PCDHGB3: variants seen among roughly 807,000 people sequenced by gnomAD.
PCDHGB3 encodes protocadherin gamma subfamily B, 3.
A neutral mutation model predicts 59.2 loss-of-function variants in PCDHGB3; 40 were observed. That is an observed-to-expected ratio of 0.68 (90% CI 0.52 to 0.88). PCDHGB3 has a LOEUF of 0.88. Ranked by LOEUF, PCDHGB3 falls within the 40% of genes least tolerant of loss-of-function variation. The pLI, the probability that PCDHGB3 is intolerant of heterozygous loss-of-function variation, is 0.00. For synonymous variants in PCDHGB3, 581 were observed against 503.6 expected, an observed-to-expected ratio of 1.15 and a Z score of -2.06; for missense variants, 1,309 against 1,187.9, an observed-to-expected ratio of 1.10 and a Z score of -1.50.
intron 1 of PCDHGB3, chr5:141,417,903 A>G (rs2096184376): frequency 1.3e-6 from 2 of 1,590,930 alleles, no homozygotes; most frequent in Non-Finnish European, 8.6e-7. Flanking sequence ...GGCCCGCGGC[A>G]GGTACTATTT....
chr5:141,428,557 C>T (rs2097147196), intron 1 of PCDHGB3: 2 of 242,520 alleles, frequency 8.2e-6, no homozygotes, highest in Non-Finnish European at 1.6e-5. Context: ...AACAGTCCCC[C>T]CACAAGATCT....
Position 141,420,738 on chromosome 5 carries a change from T to C in PCDHGB3, c.2415+47929T>C, listed in dbSNP as rs550966989. 1.5e-4 allele frequency among the ~76,000 whole-genome samples: 23 copies of C among 152,358 alleles called. 1 individual carries two copies. In the South Asian group the frequency reaches 4.6e-3, roughly 30 times the overall value. ...GTTCCTTTCAGTCGGTTAAAATCAA[T>C]TGGAACCAACTACAACCTACAAGTT... On this transcript the variant is annotated intron_variant, in intron 1 of 3. Transcript: ENST00000576222.
chr5:141,399,460 G>A, intron 1 of PCDHGB3: 1 of 1,613,962 alleles, frequency 6.2e-7, no homozygotes, highest in Middle Eastern at 1.6e-4. Context: ...CAACGATAAC[G>A]CTCCGGTTTT....
intron 1 of PCDHGB3, chr5:141,377,726 A>T (rs1774299499): frequency 6.6e-6 from 1 of 152,240 alleles, no homozygotes; most frequent in Non-Finnish European, 1.5e-5. Context: ...TTGAAAAGAT[A>T]AGAATCATTG....
intron 1 of PCDHGB3, chr5:141,383,740 T>C: frequency 6.2e-7 from 1 of 1,614,008 alleles, no homozygotes. Context: ...GACATATTCT[T>C]TTCGGAAAAT....
At position 141,431,542 on chromosome 5, in the gene PCDHGB3, G is replaced by C; in HGVS notation, c.2415+58733G>C. On this transcript the variant is annotated intron_variant, in intron 1 of 3. Coordinates refer to ENST00000576222, the MANE Select transcript of PCDHGB3 (RefSeq NM_018924.5). The surrounding 1 kb of genome is among the most constrained non-coding windows in gnomAD (Gnocchi z 4.8). ...AGAATCTGGCCTTGGGCACGCAGCT[G>C]CTTGTAGTCAACGCTACCGACCCTG... The C allele has an allele frequency of 1.9e-6, 3 of 1,614,124 alleles. No homozygotes were observed. The highest frequency in any genetic ancestry group is 1.1e-5 in the South Asian group (1 of 91,086).
At chr5:141,438,605 T>TAC (rs2098010130) in intron 1 of PCDHGB3, among the ~76,000 whole-genome samples, 1 of 27,802 alleles carries the variant, frequency 3.6e-5, no homozygotes. Flanking sequence ...TATATATATA[T>TAC]ATATATATAT....
At chr5:141,423,750 TGGGGGGGG>T in intron 1 of PCDHGB3, 1 of 287,524 alleles carries the variant, frequency 3.5e-6, no homozygotes, top group Non-Finnish European at 4.5e-6. Flanking sequence ...GAAAACTGTT[TGGGGGGGG>T]GGTGGGGCGG....
chr5:141,390,358 G>T, intron 1 of PCDHGB3: 1 of 1,540,914 alleles, frequency 6.5e-7, no homozygotes, highest in East Asian at 2.2e-5. Context: ...ATACATATTT[G>T]CAGGAAAATA....
In PCDHGB3 at chr5:141,461,484, T is replaced by C. The variant is rs1171584384; in HGVS notation, c.2416-33323T>C. On this transcript the variant is annotated intron_variant, in intron 1 of 3. Transcript: ENST00000576222. ...GTCCTTTGCCTACTTTTTAATGGGATTGTGTTTTATTTTTCTTGGTGATTT... is the reference window on the plus strand; with the variant it reads ...GTCCTTTGCCTACTTTTTAATGGGACTGTGTTTTATTTTTCTTGGTGATTT... 2.6e-5 allele frequency among the ~76,000 whole-genome samples: 4 copies of C among 152,152 alleles called. No homozygotes were observed. In the East Asian group the frequency reaches 7.7e-4, roughly 29 times the overall value.
intron 1 of PCDHGB3, among the ~76,000 whole-genome samples, chr5:141,454,268 G>A (rs2098785692): frequency 6.6e-6 from 1 of 152,126 alleles, no homozygotes; most frequent in African/African-American, 2.4e-5. Context: ...AGTAATGCCA[G>A]CAAAAACTTC....
At chr5:141,441,499 GCCT>G (rs1350774469) in intron 1 of PCDHGB3, 5 of 169,932 alleles carry the variant, frequency 2.9e-5, no homozygotes, top group African/African-American at 1.2e-4. Context: ...TTTCTACCAG[GCCT>G]CCTACGTCGT....
intron 1 of PCDHGB3, chr5:141,399,534 A>G (rs772655467): frequency 3.7e-6 from 6 of 1,614,030 alleles, no homozygotes; most frequent in Middle Eastern, 1.6e-4. Flanking sequence ...CCATCGCGCA[A>G]GTCTGCGCCT....
At chr5:141,429,814 T>C (rs554065871) in intron 1 of PCDHGB3, among the ~76,000 whole-genome samples, 3 of 152,322 alleles carry the variant, frequency 2.0e-5, no homozygotes, top group African/African-American at 7.2e-5. Flanking sequence ...TAATTACAAT[T>C]AGGTCAGTTA....
At chr5:141,418,381 T>C in intron 1 of PCDHGB3, 3 of 1,613,998 alleles carry the variant, frequency 1.9e-6, no homozygotes, top group Non-Finnish European at 2.5e-6. Flanking sequence ...AACTAAGTCC[T>C]AACGAGTATT....
chr5:141,478,956 T>C (rs2099484450), intron 1 of PCDHGB3, among the ~76,000 whole-genome samples: 1 of 152,200 alleles, frequency 6.6e-6, no homozygotes. Context: ...AACTACCTCA[T>C]TCCTCCACCT....
chr5:141,375,192 A>G, intron 1 of PCDHGB3: 3 of 1,613,952 alleles, frequency 1.9e-6, no homozygotes, highest in South Asian at 2.2e-5. Context: ...GCCCTTTTTC[A>G]AGTGTTCGAT....
rs561824381 is a variant in PCDHGB3 at position 141,449,084 on chromosome 5, C to T, written c.2416-45723C>T. Among the ~76,000 whole-genome samples, 8 of 152,250 alleles carry T rather than the reference C, an allele frequency of 5.3e-5. No individual in the cohort carries two copies. In the East Asian group the frequency reaches 1.4e-3, roughly 26 times the overall value. The stretch of plus-strand genomic sequence containing the variant: ...CTATTGAATAGCCCTGTACCTACAT[C>T]AGTTTTTACATATGCAGTATATCTT... On this transcript the variant is annotated intron_variant, in intron 1 of 3. Transcript: ENST00000576222.
At chr5:141,413,182 G>T (rs752788034) in intron 1 of PCDHGB3, 2 of 1,604,164 alleles carry the variant, frequency 1.2e-6, no homozygotes, top group Admixed American at 3.4e-5. Flanking sequence ...TACAATGGCC[G>T]CTCAAAGGAA....
Sources: gnomAD v4.1 joint callset for allele counts (sites outside exome capture counted in the v4.1 genomes callset) on GRCh38, gnomAD v4.1.1 for gene constraint, Gnocchi (gnomAD v3.1) non-coding constraint, MANE v1.5 for transcripts, NCBI Gene and HGNC (gene_info 2026-07-23, HGNC 2026-07-21) for gene names.